The following PXN variants were observed in gnomAD, a reference collection of about 807,000 sequenced individuals.
PXN encodes the protein paxillin, also known as testicular tissue protein Li 134.
PXN carries 61 observed loss-of-function variants against 103.6 expected under a neutral mutation model. That is an observed-to-expected ratio of 0.59 (90% CI 0.48 to 0.73). PXN has a LOEUF of 0.73. Ranked by LOEUF, PXN falls within the 30% of genes least tolerant of loss-of-function variation. The pLI is 0.00. For missense variants in PXN, 1,274 were observed against 1,460.3 expected, an observed-to-expected ratio of 0.87 and a Z score of 2.08; for synonymous variants, 562 against 607.8, an observed-to-expected ratio of 0.92 and a Z score of 1.11.
At chr12:120,232,470 T>C (rs1888244281) in intron 1 of PXN, among the ~76,000 whole-genome samples, 1 of 152,152 alleles carries the variant, frequency 6.6e-6, no homozygotes, top group South Asian at 2.1e-4. Flanking sequence ...TGCTAGACCT[T>C]TTCAGGTCAA....
In PXN at chr12:120,211,802, C is replaced by T. The variant is rs1880246980; in HGVS notation, c.*512G>A. 1 of 422,430 alleles carries T rather than the reference C, an allele frequency of 2.4e-6. No individual in the cohort carries two copies. The highest frequency in any genetic ancestry group is 1.7e-5 in the South Asian group (1 of 59,290). The allele number at this position is 422,430 out of a possible 1,614,324, so 26.2% of individuals were successfully genotyped here. A position where few individuals can be genotyped will look rare whatever the true frequency, so the allele number is the denominator to read the frequency against. On this transcript the variant is annotated 3_prime_UTR_variant, in exon 15 of 15. Coordinates refer to ENST00000637617, the MANE Select transcript of PXN (RefSeq NM_001385981.1). ...GAGCACAGAGAACCTTCCATGGCCC[C>T]TTTGGTTCTCTGCCTTTGGATGGAT...
intron 1 of PXN, among the ~76,000 whole-genome samples, chr12:120,235,987 G>A (rs1888964700): frequency 6.6e-6 from 1 of 152,182 alleles, no homozygotes; most frequent in African/African-American, 2.4e-5. Flanking sequence ...GCCAACACGG[G>A]ACAGCCAGCA....
chr12:120,222,850 G>A lies in PXN; in HGVS notation c.493+13C>T. On this transcript the variant is annotated intron_variant, in intron 4 of 14. Transcript: ENST00000637617. The surrounding 1 kb of genome is among the most constrained non-coding windows in gnomAD (Gnocchi z 4.7). ...GGGCCCTGGTAGACCCTGCCCCAGG[G>A]ACCCGGTCCTACCTGCAGGGAAGCC... 1 of 1,613,048 alleles carries A rather than the reference G, an allele frequency of 6.2e-7. No individual in the cohort carries two copies. The highest frequency in any genetic ancestry group is 8.5e-7 in the Non-Finnish European group (1 of 1,179,422).
rs568755727 is a variant in PXN, at chr12:120,259,138, T to TCCCAGCA, written c.13+6472_13+6478dup. Reference sequence around the variant, plus strand: ...CAGGTGGGGTAGCTCACACCTGTAATCCCAGCACTTTGGGAGGCTGAGGCA... The same window carrying TCCCAGCA: ...CAGGTGGGGTAGCTCACACCTGTAATCCCAGCACCCAGCACTTTGGGAGGCTGAGGCA... On this transcript the variant is annotated intron_variant, in intron 1 of 14. Coordinates refer to ENST00000637617, the MANE Select transcript of PXN (RefSeq NM_001385981.1). 1.8e-3 allele frequency among the ~76,000 whole-genome samples: 271 copies of TCCCAGCA among 151,700 alleles called. 1 individual carries two copies. Among genetic ancestry groups the TCCCAGCA allele is most frequent in the African/African-American group, 5.9e-3 (244 of 41,322 alleles).
rs1887286367 is a variant in PXN, at chr12:120,228,180, T to C, written c.14-3803A>G. ...GCTCGGAAGTAGTCGGGAGACCTCA[T>C]TCAAGCTAAGAAAGGCCTCAAATTT... On this transcript the variant is annotated intron_variant, in intron 1 of 14. Coordinates refer to ENST00000637617, the MANE Select transcript of PXN (RefSeq NM_001385981.1). This position sits in a 1 kb window ranked among gnomAD's most constrained non-coding sequence, Gnocchi z 4.7. Among the ~76,000 whole-genome samples the C allele has an allele frequency of 6.6e-6, 1 of 152,230 alleles. No homozygotes were observed. Among genetic ancestry groups the C allele is most frequent in the Non-Finnish European group, 1.5e-5 (1 of 68,030 alleles).
rs563855038 is a variant in PXN at position 120,230,332 on chromosome 12, G to A, written c.14-5955C>T. On this transcript the variant is annotated intron_variant, in intron 1 of 14. Coordinates refer to ENST00000637617, the MANE Select transcript of PXN (RefSeq NM_001385981.1). ...ACAAGTCCCTGTCCTAGGGGGTCTG[G>A]GGATGCCCAGCCTCATGGCCTGTCT... Among the ~76,000 whole-genome samples, 7 of 152,292 alleles carry A rather than the reference G, an allele frequency of 4.6e-5. No homozygotes were observed. In the South Asian group the frequency reaches 1.4e-3, roughly 32 times the overall value.
chr12:120,241,843 C>A (rs1348260987), intron 1 of PXN, among the ~76,000 whole-genome samples: 1 of 152,206 alleles, frequency 6.6e-6, no homozygotes. Flanking sequence ...CAGGACCAGG[C>A]TTGCACTTTA....
chr12:120,225,938 G>T lies in PXN; in HGVS notation c.14-1561C>A. ...TGCTCCTGCCCAGATGGACAGAGGG[G>T]ATGTCTGTTCCAAGGCCCAGGACCC... On this transcript the variant is annotated intron_variant, in intron 1 of 14. Coordinates refer to ENST00000637617, the MANE Select transcript of PXN (RefSeq NM_001385981.1). The surrounding 1 kb of genome is among the most constrained non-coding windows in gnomAD (Gnocchi z 4.4). The T allele has an allele frequency of 6.8e-6, 3 of 442,992 alleles. No individual in the cohort carries two copies. Among genetic ancestry groups the T allele is most frequent in the African/African-American group, 2.1e-5 (1 of 47,654 alleles). 27.4% of individuals were successfully genotyped at this position (442,992 alleles called of 1,614,324 possible).
intron 1 of PXN, among the ~76,000 whole-genome samples, chr12:120,237,414 A>G (rs952750934): frequency 1.3e-5 from 2 of 152,222 alleles, no homozygotes; most frequent in African/African-American, 4.8e-5. Context: ...TTTTGGAGAA[A>G]ATAAACTGAA....
intron 1 of PXN, chr12:120,226,011 C>T: frequency 1.9e-6 from 2 of 1,064,960 alleles, no homozygotes; most frequent in South Asian, 2.5e-5. Context: ...CTACAGCCCG[C>T]CCCGCCCTCC....
chr12:120,249,393 A>G (rs1482963232), intron 1 of PXN, among the ~76,000 whole-genome samples: 1 of 152,098 alleles, frequency 6.6e-6, no homozygotes, highest in Non-Finnish European at 1.5e-5. Flanking sequence ...ATAATACCCA[A>G]CAGGCCATTA....
chr12:120,221,802 C>G lies in PXN; in HGVS notation c.696-44G>C. 6.6e-7 allele frequency: 1 copy of G among 1,518,246 alleles called. No individual in the cohort carries two copies. The highest frequency in any genetic ancestry group is 8.8e-7 in the Non-Finnish European group (1 of 1,130,184). 94.0% of individuals were successfully genotyped at this position (1,518,246 alleles called of 1,614,324 possible). A position where few individuals can be genotyped will look rare whatever the true frequency, so the allele number is the denominator to read the frequency against. On this transcript the variant is annotated intron_variant, in intron 5 of 14. Coordinates refer to ENST00000637617, the MANE Select transcript of PXN (RefSeq NM_001385981.1). The surrounding 1 kb of genome is among the most constrained non-coding windows in gnomAD (Gnocchi z 6.6). ...ATCAGTGGGGAGCCCACAGTCAGCCCCACACTTCCCGGGGATCAGATCGAC... is the reference window on the plus strand; with the variant it reads ...ATCAGTGGGGAGCCCACAGTCAGCCGCACACTTCCCGGGGATCAGATCGAC...
intron 1 of PXN, among the ~76,000 whole-genome samples, chr12:120,249,675 A>G (rs1891828229): frequency 6.6e-6 from 1 of 152,176 alleles, no homozygotes; most frequent in Non-Finnish European, 1.5e-5. Flanking sequence ...AGCCATGACA[A>G]CCGCCTCCAG....
chr12:120,220,099 AG>A lies in PXN; in HGVS notation c.832-9del. 9.4e-7 allele frequency: 1 copy of A among 1,064,482 alleles called. No homozygotes were observed. Among genetic ancestry groups the A allele is most frequent in the Non-Finnish European group, 1.3e-6 (1 of 747,878 alleles). 65.9% of individuals were successfully genotyped at this position (1,064,482 alleles called of 1,614,324 possible). On this transcript the variant is annotated splice_polypyrimidine_tract_variant and intron_variant, in intron 6 of 14. Transcript: ENST00000637617. The surrounding 1 kb of genome is among the most constrained non-coding windows in gnomAD (Gnocchi z 6.1). ...CACAGTGGAGGAGCTGGTCTGGAGA[AG>A]AGAGAAATGCAGAGGGGAGAGGAGA...
chr12:120,222,649 T>C lies in PXN; in HGVS notation c.595A>G (p.Lys199Glu). Reference protein sequence around the residue: ...PLGGKAGPLTKEKPKRNGGRG... With the variant: ...PLGGKAGPLTEEKPKRNGGRG... ...CCCCCATTCCGCTTAGGCTTCTCTTTCGTCAGGGGCCCAGCTTTGCCTCCC... is the reference window on the plus strand; with the variant it reads ...CCCCCATTCCGCTTAGGCTTCTCTTCCGTCAGGGGCCCAGCTTTGCCTCCC... The change falls in exon 5 of 15, where the codon AAA becomes GAA. Residue 199 changes from lysine (K) to glutamate (E), a missense_variant. Lys to Glu is a moderately conservative substitution (Grantham distance 56). Transcript: ENST00000637617. This position sits in a 1 kb window ranked among gnomAD's most constrained non-coding sequence, Gnocchi z 4.7. 2 of 1,608,856 alleles carry C rather than the reference T, an allele frequency of 1.2e-6. No homozygotes were observed. The highest frequency in any genetic ancestry group is 1.7e-6 in the Non-Finnish European group (2 of 1,177,874).
intron 1 of PXN, among the ~76,000 whole-genome samples, chr12:120,237,434 A>G (rs552424383): frequency 1.4e-4 from 21 of 152,288 alleles, no homozygotes; most frequent in Non-Finnish European, 2.5e-4. Flanking sequence ...AGTGGGTTCA[A>G]GATGACTCCA....
rs1292813552 is a variant in PXN, at chr12:120,217,528, C to CTTTTTCT, written c.1717-419_1717-413dup. 2.0e-5 allele frequency among the ~76,000 whole-genome samples: 3 copies of CTTTTTCT among 152,052 alleles called. No individual in the cohort carries two copies. Among genetic ancestry groups the CTTTTTCT allele is most frequent in the Non-Finnish European group, 4.4e-5 (3 of 68,024 alleles). On this transcript the variant is annotated intron_variant, in intron 7 of 14. Coordinates refer to ENST00000637617, the MANE Select transcript of PXN (RefSeq NM_001385981.1). The surrounding 1 kb of genome is among the most constrained non-coding windows in gnomAD (Gnocchi z 4.1). Reference sequence around the variant, plus strand: ...TGCATGCCCTTGACAAGGCATACGGCTTTTTCTTTTTTCTTTTTTTTAATT... The same window carrying CTTTTTCT: ...TGCATGCCCTTGACAAGGCATACGGCTTTTTCTTTTTTCTTTTTTCTTTTTTTTAATT...
chr12:120,251,355 C>CA (rs1040318996), intron 1 of PXN, among the ~76,000 whole-genome samples: 17 of 146,908 alleles, frequency 1.2e-4, no homozygotes, highest in Admixed American at 4.1e-4. Context: ...CCACCTCTAC[C>CA]AAAACTACAA....
Position 120,212,192 on chromosome 12 carries a change from C to G in PXN, c.*122G>C. On this transcript the variant is annotated 3_prime_UTR_variant, in exon 15 of 15. Transcript: ENST00000637617. The surrounding 1 kb of genome is among the most constrained non-coding windows in gnomAD (Gnocchi z 7.2). ...CGGCCCTCTGTCCATCCCGCACCAGCGGAGGACAAGGGTTCCAGTTTCAGT... is the reference window on the plus strand; with the variant it reads ...CGGCCCTCTGTCCATCCCGCACCAGGGGAGGACAAGGGTTCCAGTTTCAGT... 7.2e-7 allele frequency: 1 copy of G among 1,384,778 alleles called. No individual in the cohort carries two copies. The highest frequency in any genetic ancestry group is 2.3e-5 in the East Asian group (1 of 42,754). The allele number at this position is 1,384,778 out of a possible 1,614,324, so 85.8% of individuals were successfully genotyped here.
Sources: gnomAD v4.1 joint callset for allele counts (sites outside exome capture counted in the v4.1 genomes callset) on GRCh38, gnomAD v4.1.1 for gene constraint, Gnocchi (gnomAD v3.1) non-coding constraint, MANE v1.5 for transcripts, NCBI Gene and HGNC (gene_info 2026-07-23, HGNC 2026-07-21) for gene names.